The following STPG4 variants were observed in gnomAD, a reference collection of about 807,000 sequenced individuals.
STPG4 encodes protein STPG4.
Under a neutral mutation model 31.5 loss-of-function variants are expected in STPG4, and 41 were observed. That is an observed-to-expected ratio of 1.30 (90% CI 1.01 to 1.69). STPG4 has a LOEUF of 1.69. STPG4 is among the 40% of genes most tolerant of loss of function. STPG4 has a pLI of 0.00. For synonymous variants in STPG4, 141 were observed against 103.0 expected, an observed-to-expected ratio of 1.37 and a Z score of -2.24; for missense variants, 375 against 293.4, an observed-to-expected ratio of 1.28 and a Z score of -2.03.
At chr2:47,117,923 T>C (rs566539050) in intron 5 of STPG4, among the ~76,000 whole-genome samples, 1 of 89,258 alleles carries the variant, frequency 1.1e-5, no homozygotes, top group East Asian at 3.4e-4. Flanking sequence ...AACATATATA[T>C]ATATATATTT....
At chr2:47,100,984 G>A in intron 5 of STPG4, among the ~76,000 whole-genome samples, 1 of 151,822 alleles carries the variant, frequency 6.6e-6, no homozygotes, top group Non-Finnish European at 1.5e-5. Context: ...GACACATTTT[G>A]GCGACCCAGA....
At chr2:47,093,506 G>A (rs1287329771) in intron 5 of STPG4, among the ~76,000 whole-genome samples, 1 of 152,210 alleles carries the variant, frequency 6.6e-6, no homozygotes, top group Non-Finnish European at 1.5e-5. Flanking sequence ...GGCAAGAGAT[G>A]ATGCTGAGTG....
intron 6 of STPG4, among the ~76,000 whole-genome samples, chr2:47,089,013 T>A (rs13033168): frequency 0.15 from 23,104 of 152,092 alleles, 1,849 homozygotes; most frequent in Middle Eastern, 0.23. Context: ...TCCCCTGATT[T>A]CACTGCCACC....
intron 5 of STPG4, among the ~76,000 whole-genome samples, chr2:47,103,149 G>A (rs2103742765): frequency 6.6e-6 from 1 of 152,018 alleles, no homozygotes; most frequent in Admixed American, 6.5e-5. Flanking sequence ...GGGGACTGGA[G>A]TCGTAAACAT....
At chr2:47,103,419 T>A (rs34908229) in intron 5 of STPG4, among the ~76,000 whole-genome samples, 8,446 of 151,784 alleles carry the variant, frequency 0.056, 427 homozygotes, top group African/African-American at 0.11. Flanking sequence ...CCTGAACAAA[T>A]TCTAGAGATA....
At chr2:47,133,388 A>C (rs1686527361) in intron 3 of STPG4, among the ~76,000 whole-genome samples, 1 of 151,882 alleles carries the variant, frequency 6.6e-6, no homozygotes, top group Non-Finnish European at 1.5e-5. Context: ...GCTGGTCTCA[A>C]ACTCTTGGGC....
chr2:47,099,582 G>A (rs971371607), intron 5 of STPG4, among the ~76,000 whole-genome samples: 2 of 152,262 alleles, frequency 1.3e-5, no homozygotes, highest in Admixed American at 1.3e-4. Flanking sequence ...AGTCCTCAGA[G>A]CCCTCGCTCG....
intron 3 of STPG4, among the ~76,000 whole-genome samples, chr2:47,146,118 G>T (rs1393860891): frequency 6.6e-6 from 1 of 152,206 alleles, no homozygotes; most frequent in Non-Finnish European, 1.5e-5. Flanking sequence ...ACAGGGAGTA[G>T]TAAGACAAAG....
intron 3 of STPG4, among the ~76,000 whole-genome samples, chr2:47,132,251 G>A (rs1686501304): frequency 6.6e-6 from 1 of 151,880 alleles, no homozygotes; most frequent in Non-Finnish European, 1.5e-5. Flanking sequence ...AGATCATCCA[G>A]ACATCCAGAG....
intron 5 of STPG4, among the ~76,000 whole-genome samples, chr2:47,102,031 C>A (rs536557611): frequency 6.6e-6 from 1 of 151,820 alleles, no homozygotes; most frequent in Non-Finnish European, 1.5e-5. Flanking sequence ...TTCGAGAATG[C>A]GTAGGTAAGG....
At chr2:47,126,170 T>C (rs1416452738) in intron 5 of STPG4, among the ~76,000 whole-genome samples, 5 of 152,244 alleles carry the variant, frequency 3.3e-5, no homozygotes, top group Non-Finnish European at 5.9e-5. Flanking sequence ...CTTTCAGTTT[T>C]GTTCATTTTG....
At chr2:47,155,095 A>C in intron 1 of STPG4, 76 bp downstream of exon 1, 1 of 1,404,652 alleles carries the variant, frequency 7.1e-7, no homozygotes, top group Non-Finnish European at 1.0e-6. Flanking sequence ...GCCTGGGATT[A>C]GAGAGCGGTG....
At chr2:47,100,337 A>G (rs1329719484) in intron 5 of STPG4, among the ~76,000 whole-genome samples, 39 of 148,584 alleles carry the variant, frequency 2.6e-4, no homozygotes, top group African/African-American at 9.6e-4. Context: ...GAATGCACCA[A>G]TCCACACTCT....
At chr2:47,148,054 C>T (rs1281690017) in intron 3 of STPG4, among the ~76,000 whole-genome samples, 1 of 151,636 alleles carries the variant, frequency 6.6e-6, no homozygotes, top group Non-Finnish European at 1.5e-5. Context: ...CGGGTTCAAG[C>T]AATTCTCGTG....
intron 3 of STPG4, among the ~76,000 whole-genome samples, chr2:47,131,608 G>A (rs1686485838): frequency 1.3e-5 from 2 of 152,170 alleles, no homozygotes; most frequent in East Asian, 1.9e-4. Flanking sequence ...TGTCATCAGT[G>A]CTAAAAGACA....
At chr2:47,091,498 TC>T (rs949852581) in intron 5 of STPG4, among the ~76,000 whole-genome samples, 5 of 152,028 alleles carry the variant, frequency 3.3e-5, no homozygotes, top group Non-Finnish European at 5.9e-5. Flanking sequence ...TTCGCTTTTT[TC>T]CCCCCTCCAT....
At chr2:47,101,974 C>T (rs79111477) in intron 5 of STPG4, among the ~76,000 whole-genome samples, 4 of 151,648 alleles carry the variant, frequency 2.6e-5, no homozygotes, top group Non-Finnish European at 5.9e-5. Context: ...CGATTTTTCT[C>T]GGTCGGTCCT....
At chr2:47,090,236 G>C (rs1558667684) in intron 6 of STPG4, 34 bp downstream of exon 6, 1 of 1,430,032 alleles carries the variant, frequency 7.0e-7, no homozygotes, top group Admixed American at 2.0e-5. Flanking sequence ...ATACCCCTAG[G>C]GGTGGGGGGC....
intron 5 of STPG4, among the ~76,000 whole-genome samples, chr2:47,118,428 T>C (rs1350357424): frequency 6.6e-6 from 1 of 152,152 alleles, no homozygotes; most frequent in South Asian, 2.1e-4. Context: ...GATTCTACAT[T>C]ATGGTGAGTT....
Sources: gnomAD v4.1 joint callset for allele counts (sites outside exome capture counted in the v4.1 genomes callset) on GRCh38, gnomAD v4.1.1 for gene constraint, MANE v1.5 for transcripts, NCBI Gene and HGNC (gene_info 2026-07-23, HGNC 2026-07-21) for gene names.